The following ZFPM2 variants were observed in gnomAD, a reference collection of about 807,000 sequenced individuals.
ZFPM2 encodes zinc finger protein, FOG family member 2, also known as zinc finger protein ZFPM2.
A neutral mutation model predicts 98.6 loss-of-function variants in ZFPM2; 20 were observed. The ratio of observed to expected loss-of-function variants is 0.20; its 90% CI spans 0.14 to 0.29. The LOEUF (loss-of-function observed/expected upper bound fraction) is 0.29, where lower values mean the gene tolerates loss of function less well. ZFPM2 is among the 10% of genes least tolerant of loss of function. The pLI is 1.00. For missense variants in ZFPM2, 1,310 were observed against 1,388.6 expected, an observed-to-expected ratio of 0.94 and a Z score of 0.90; for synonymous variants, 518 against 502.7, an observed-to-expected ratio of 1.03 and a Z score of -0.41.
intron 3 of ZFPM2, among the ~76,000 whole-genome samples, chr8:105,548,355 A>T (rs1290879842): frequency 1.3e-5 from 2 of 152,188 alleles, no homozygotes; most frequent in Non-Finnish European, 2.9e-5. Context: ...AGTTAAAAGC[A>T]ATTTAAAAGT....
At chr8:105,371,342 G>C (rs1287880919) in intron 1 of ZFPM2, among the ~76,000 whole-genome samples, 2 of 152,174 alleles carry the variant, frequency 1.3e-5, no homozygotes, top group Non-Finnish European at 2.9e-5. Context: ...TGGGCATCTA[G>C]AAGGTTAAAG....
At chr8:105,567,994 T>C (rs913703879) in intron 4 of ZFPM2, among the ~76,000 whole-genome samples, 5 of 152,058 alleles carry the variant, frequency 3.3e-5, no homozygotes, top group South Asian at 2.1e-4. Flanking sequence ...TACCATACTT[T>C]CCTATTTCTC....
intron 5 of ZFPM2, among the ~76,000 whole-genome samples, chr8:105,691,768 G>T (rs1487987724): frequency 6.6e-6 from 1 of 152,168 alleles, no homozygotes; most frequent in African/African-American, 2.4e-5. Flanking sequence ...TTGCTCACTG[G>T]TGTTTCATTA....
intron 5 of ZFPM2, among the ~76,000 whole-genome samples, chr8:105,658,846 A>G (rs1291967587): frequency 6.6e-6 from 1 of 152,228 alleles, no homozygotes; most frequent in Non-Finnish European, 1.5e-5. Context: ...AAATCCCTGG[A>G]TGAAAACAGC....
At chr8:105,720,700 T>C (rs1811640237) in intron 5 of ZFPM2, among the ~76,000 whole-genome samples, 2 of 151,868 alleles carry the variant, frequency 1.3e-5, no homozygotes, top group Admixed American at 1.3e-4. Flanking sequence ...AGCATGTAAA[T>C]TCAGGTCCCC....
intron 1 of ZFPM2, among the ~76,000 whole-genome samples, chr8:105,337,584 A>G (rs1473452499): frequency 6.6e-6 from 1 of 151,830 alleles, no homozygotes; most frequent in African/African-American, 2.4e-5. Context: ...CATAGTTTAC[A>G]TTATGAATAA....
intron 2 of ZFPM2, among the ~76,000 whole-genome samples, chr8:105,441,489 A>G (rs868688701): frequency 1.8e-4 from 13 of 73,294 alleles, no homozygotes; most frequent in Admixed American, 4.6e-4. Flanking sequence ...AAAGAAAGAA[A>G]GAAAGAAAGA....
At chr8:105,691,160 A>G (rs1810869568) in intron 5 of ZFPM2, among the ~76,000 whole-genome samples, 1 of 146,444 alleles carries the variant, frequency 6.8e-6, no homozygotes, top group Admixed American at 6.9e-5. Flanking sequence ...GTACTCTCTC[A>G]TTCTACTGTT....
chr8:105,568,130 G>C (rs1265077220), intron 4 of ZFPM2, among the ~76,000 whole-genome samples: 5 of 151,964 alleles, frequency 3.3e-5, no homozygotes, highest in African/African-American at 1.2e-4. Flanking sequence ...CAAAGCTTCA[G>C]CTACTAATTT....
chr8:105,370,659 G>A (rs1810603121), intron 1 of ZFPM2, among the ~76,000 whole-genome samples: 1 of 152,210 alleles, frequency 6.6e-6, no homozygotes, highest in African/African-American at 2.4e-5. Flanking sequence ...AAGAGCAAGT[G>A]CACCACAGCT....
chr8:105,494,199 A>G (rs1813413905), intron 3 of ZFPM2, among the ~76,000 whole-genome samples: 1 of 116,764 alleles, frequency 8.6e-6, no homozygotes, highest in Non-Finnish European at 1.7e-5. Context: ...ATATATATAT[A>G]TATATATATA....
At chr8:105,471,107 C>T (rs1233292823) in intron 3 of ZFPM2, among the ~76,000 whole-genome samples, 2 of 152,128 alleles carry the variant, frequency 1.3e-5, no homozygotes, top group South Asian at 2.1e-4. Context: ...CTGACAGCTT[C>T]GTTTGGTTCA....
intron 3 of ZFPM2, among the ~76,000 whole-genome samples, chr8:105,504,880 G>T (rs1250330852): frequency 3.3e-5 from 5 of 152,070 alleles, no homozygotes; most frequent in Non-Finnish European, 4.4e-5. Flanking sequence ...ATAAATTATT[G>T]TGGGAATAGT....
chr8:105,564,565 C>G (rs931659173), intron 4 of ZFPM2, among the ~76,000 whole-genome samples: 1 of 151,926 alleles, frequency 6.6e-6, no homozygotes, highest in African/African-American at 2.4e-5. Flanking sequence ...TCATTTAGTC[C>G]TCCAAAAAAC....
At chr8:105,489,574 CT>C (rs200950336) in intron 3 of ZFPM2, among the ~76,000 whole-genome samples, 2,859 of 150,506 alleles carry the variant, frequency 0.019, 94 homozygotes, top group African/African-American at 0.066. Context: ...TGGAACTGTC[CT>C]GCCTCAGCCT....
intron 3 of ZFPM2, among the ~76,000 whole-genome samples, chr8:105,449,232 C>A (rs1240005040): frequency 6.6e-6 from 1 of 151,966 alleles, no homozygotes; most frequent in Non-Finnish European, 1.5e-5. Context: ...AGGCTTATAG[C>A]AGCTATAATT....
chr8:105,705,289 A>T (rs1349122036), intron 5 of ZFPM2, among the ~76,000 whole-genome samples: 4 of 152,188 alleles, frequency 2.6e-5, no homozygotes, highest in African/African-American at 9.7e-5. Flanking sequence ...TATACAAATA[A>T]GATTAAGTTT....
intron 5 of ZFPM2, among the ~76,000 whole-genome samples, chr8:105,649,966 CT>C (rs745503363): frequency 5.9e-5 from 9 of 152,132 alleles, no homozygotes; most frequent in Non-Finnish European, 1.2e-4. Context: ...GTACCAGCTC[CT>C]CCTTTTACCT....
intron 4 of ZFPM2, among the ~76,000 whole-genome samples, chr8:105,563,738 C>T (rs1004573852): frequency 5.9e-5 from 9 of 152,080 alleles, no homozygotes; most frequent in Non-Finnish European, 1.3e-4. Flanking sequence ...CTGGGAGTTT[C>T]TGTTTGTCTT....
Sources: gnomAD v4.1 joint callset for allele counts (sites outside exome capture counted in the v4.1 genomes callset) on GRCh38, gnomAD v4.1.1 for gene constraint, MANE v1.5 for transcripts, NCBI Gene and HGNC (gene_info 2026-07-23, HGNC 2026-07-21) for gene names.